Variants in RTL4 observed in about 807,000 individuals in gnomAD.
RTL4 encodes retrotransposon Gag like 4.
A neutral mutation model predicts 5.3 loss-of-function variants in RTL4; 4 were observed. The ratio of observed to expected loss-of-function variants is 0.75; its 90% CI spans 0.37 to 1.72. The LOEUF (loss-of-function observed/expected upper bound fraction) is 1.72. Ranked by LOEUF, RTL4 falls within the 40% of genes most tolerant of loss-of-function variation. RTL4 has a pLI of 0.04. For synonymous variants in RTL4, 98 were observed against 87.3 expected (o/e 1.12, Z -0.68); for missense variants, 260 against 227.1 (o/e 1.14, Z -0.93).
At chrX:112,170,140 C>T in the RTL4 span, among the ~76,000 whole-genome samples, 6 of 111,772 alleles carry the variant, frequency 5.4e-5, no homozygotes, top group South Asian at 3.7e-4. Context: ...GTACCAGTAC[C>T]ATGCTGTTTT....
the RTL4 span, among the ~76,000 whole-genome samples, chrX:112,202,623 C>T: frequency 1.4e-3 from 154 of 107,307 alleles, no homozygotes; most frequent in Middle Eastern, 4.9e-3. Context: ...TGAAGTGGCG[C>T]GATCTCAGCT....
At chrX:112,391,828 C>T in the RTL4 span, among the ~76,000 whole-genome samples, 1 of 111,412 alleles carries the variant, frequency 9.0e-6, no homozygotes, top group African/African-American at 3.3e-5. Context: ...GTTTATGTTC[C>T]TTCCAAAACT....
chrX:112,326,500 T>A, the RTL4 span, among the ~76,000 whole-genome samples: 15 of 110,794 alleles, frequency 1.4e-4, no homozygotes, highest in African/African-American at 4.9e-4. Flanking sequence ...GCTCGGAGGG[T>A]CCTACGCCCA....
At chrX:112,265,470 C>G in the RTL4 span, among the ~76,000 whole-genome samples, 1 of 112,094 alleles carries the variant, frequency 8.9e-6, no homozygotes, top group African/African-American at 3.2e-5. Flanking sequence ...ATGATTCAAG[C>G]TGGTACTGCA....
At chrX:112,390,154 T>C in the RTL4 span, among the ~76,000 whole-genome samples, 1 of 56,634 alleles carries the variant, frequency 1.8e-5, no homozygotes, top group South Asian at 9.9e-4. Flanking sequence ...TATATATATA[T>C]ATATATTTAG....
chrX:112,328,316 G>T, the RTL4 span, among the ~76,000 whole-genome samples: 22,452 of 109,616 alleles, frequency 0.2, 1,830 homozygotes, highest in Admixed American at 0.31. Flanking sequence ...AGGAAGATCT[G>T]CCAAGCAAAT....
the RTL4 span, among the ~76,000 whole-genome samples, chrX:112,097,694 A>G: frequency 3.0e-4 from 33 of 111,495 alleles, no homozygotes; most frequent in African/African-American, 1.0e-3. Flanking sequence ...ATAAATGCCC[A>G]GTGCTGAAAA....
chrX:112,370,440 T>C, the RTL4 span, among the ~76,000 whole-genome samples: 2 of 112,043 alleles, frequency 1.8e-5, no homozygotes, highest in East Asian at 2.8e-4. Flanking sequence ...ATATTTATCA[T>C]TTCCTCCAGG....
the RTL4 span, among the ~76,000 whole-genome samples, chrX:112,120,164 A>G: frequency 3.6e-5 from 4 of 112,494 alleles, no homozygotes; most frequent in Non-Finnish European, 5.6e-5. Flanking sequence ...CCAATATAGG[A>G]TCTTTTCAAG....
the RTL4 span, among the ~76,000 whole-genome samples, chrX:112,285,918 A>G: frequency 8.9e-6 from 1 of 112,099 alleles, no homozygotes; most frequent in South Asian, 3.7e-4. Context: ...TATTCTTGGT[A>G]ATAGAAAATT....
the RTL4 span, among the ~76,000 whole-genome samples, chrX:112,397,351 C>T: frequency 9.0e-6 from 1 of 111,114 alleles, no homozygotes; most frequent in East Asian, 2.8e-4. Context: ...TTTATTTGTT[C>T]TTTATTTTTA....
chrX:112,449,850 A>G (rs529012144), upstream of RTL4, among the ~76,000 whole-genome samples: 4 of 112,294 alleles, frequency 3.6e-5, no homozygotes, highest in South Asian at 1.1e-3. Context: ...TTGTACAAGT[A>G]AGGAAACAAG....
chrX:112,402,054 C>T, the RTL4 span, among the ~76,000 whole-genome samples: 1 of 112,027 alleles, frequency 8.9e-6, no homozygotes, highest in Non-Finnish European at 1.9e-5. Context: ...GTACCTTCTT[C>T]TCCATCCATC....
the RTL4 span, among the ~76,000 whole-genome samples, chrX:112,428,490 G>A: frequency 9.0e-6 from 1 of 111,493 alleles, no homozygotes; most frequent in African/African-American, 3.3e-5. Context: ...ATTTATTTTT[G>A]GTTTAATTGT....
At chrX:112,187,656 A>G in the RTL4 span, among the ~76,000 whole-genome samples, 19 of 111,939 alleles carry the variant, frequency 1.7e-4, no homozygotes, top group Non-Finnish European at 3.2e-4. Flanking sequence ...GGGGCATAGT[A>G]ACTAAGGACA....
chrX:112,099,501 C>T, the RTL4 span, among the ~76,000 whole-genome samples: 9 of 111,077 alleles, frequency 8.1e-5, no homozygotes, highest in East Asian at 8.6e-4. Context: ...GGGAACAGCA[C>T]GTGCAAAACT....
chrX:112,388,196 C>T, the RTL4 span, among the ~76,000 whole-genome samples: 1 of 111,872 alleles, frequency 8.9e-6, no homozygotes, highest in Non-Finnish European at 1.9e-5. Flanking sequence ...GGATTGCCTT[C>T]CAGATTTGGC....
chrX:112,113,733 A>C, the RTL4 span, among the ~76,000 whole-genome samples: 1 of 111,875 alleles, frequency 8.9e-6, no homozygotes, highest in South Asian at 3.7e-4. Context: ...GGGCAAGGGC[A>C]AGGGGGCAGC....
the RTL4 span, among the ~76,000 whole-genome samples, chrX:112,272,621 A>G: frequency 8.9e-6 from 1 of 111,993 alleles, no homozygotes; most frequent in Non-Finnish European, 1.9e-5. Context: ...GAATGGCATG[A>G]TCAATTTTAT....
Sources: gnomAD v4.1 joint callset for allele counts (sites outside exome capture counted in the v4.1 genomes callset) on GRCh38, gnomAD v4.1.1 for gene constraint, MANE v1.5 for transcripts, NCBI Gene and HGNC (gene_info 2026-07-23, HGNC 2026-07-21) for gene names.